The following PCDH15 variants were observed in gnomAD, a reference collection of about 807,000 sequenced individuals.
The protein encoded by PCDH15 is protocadherin-15.
Under a neutral mutation model 178.5 loss-of-function variants are expected in PCDH15, and 129 were observed. The observed-to-expected ratio is 0.72, with a 90% confidence interval of 0.63 to 0.84. The LOEUF is 0.84. PCDH15 is among the 40% of genes least tolerant of loss of function. PCDH15 has a pLI of 0.00. For missense variants in PCDH15, 2,230 were observed against 2,099.9 expected, an observed-to-expected ratio of 1.06 and a Z score of -1.21; for synonymous variants, 800 against 732.0, an observed-to-expected ratio of 1.09 and a Z score of -1.50.
At chr10:53,829,548 C>T (rs1055532034) in intron 30 of PCDH15, among the ~76,000 whole-genome samples, 4 of 152,088 alleles carry the variant, frequency 2.6e-5, no homozygotes, top group Non-Finnish European at 5.9e-5. Context: ...GGGTTGATGG[C>T]TTAATAATTT....
chr10:55,508,129 A>G (rs1476792231), intron 2 of PCDH15, among the ~76,000 whole-genome samples: 2 of 151,594 alleles, frequency 1.3e-5, no homozygotes, highest in Admixed American at 6.6e-5. Context: ...GGTGGGGTAG[A>G]CCACAATTAA....
chr10:54,189,250 T>C (rs2048747222), intron 11 of PCDH15: 1 of 734,366 alleles, frequency 1.4e-6, no homozygotes, highest in African/African-American at 1.8e-5. Context: ...TAGATATCCT[T>C]ATAAGGGATA....
intron 29 of PCDH15, among the ~76,000 whole-genome samples, chr10:53,839,709 T>C (rs917321962): frequency 6.6e-6 from 1 of 151,918 alleles, no homozygotes; most frequent in African/African-American, 2.4e-5. Flanking sequence ...TGTGCTCGAA[T>C]AACATCCAAA....
chr10:54,192,445 G>A (rs2049130975), intron 11 of PCDH15, among the ~76,000 whole-genome samples: 2 of 151,954 alleles, frequency 1.3e-5, no homozygotes, highest in South Asian at 4.1e-4. Context: ...GGACAAAATA[G>A]GAAGATCTGG....
At chr10:53,859,516 G>A (rs1227279911) in intron 27 of PCDH15, among the ~76,000 whole-genome samples, 2 of 152,014 alleles carry the variant, frequency 1.3e-5, no homozygotes, top group East Asian at 3.9e-4. Context: ...CACCTTTTCT[G>A]GCTGACAGAC....
Position 54,090,102 on chromosome 10 carries a change from A to T in PCDH15, c.1918-39T>A, listed in dbSNP as rs752045214. On this transcript the variant is annotated intron_variant, in intron 15 of 37. Transcript: ENST00000644397. ...ACATAATTCAATTATCAAGTAATTG[A>T]TATGGCGCCCACTCATTACAGAGTA... The T allele has an allele frequency of 4.1e-6, 6 of 1,454,660 alleles. No homozygotes were observed. In the Admixed American group the frequency reaches 6.7e-5, roughly 16 times the overall value. 90.1% of individuals were successfully genotyped at this position (1,454,660 alleles called of 1,614,324 possible). A position where few individuals can be genotyped will look rare whatever the true frequency, so the allele number is the denominator to read the frequency against.
intron 25 of PCDH15, among the ~76,000 whole-genome samples, chr10:53,938,138 T>C (rs1470616963): frequency 6.6e-6 from 1 of 152,156 alleles, no homozygotes; most frequent in African/African-American, 2.4e-5. Flanking sequence ...CCTTCACAAA[T>C]TGGCTTTTAT....
At chr10:55,528,796 C>A (rs1400992797) in intron 2 of PCDH15, among the ~76,000 whole-genome samples, 2 of 152,014 alleles carry the variant, frequency 1.3e-5, no homozygotes, top group South Asian at 4.2e-4. Flanking sequence ...CTTGAGGAAT[C>A]GCCACACTGA....
chr10:54,332,377 A>ATATAATAAAATCTATATTATATAT (rs1939996537), intron 6 of PCDH15, among the ~76,000 whole-genome samples: 1 of 37,170 alleles, frequency 2.7e-5, no homozygotes, highest in African/African-American at 1.1e-4. Context: ...TATATATATA[A>ATATAATAAAATCTATATTATATAT]TATATATATA....
At chr10:54,800,186 C>G (rs1293010380) in intron 1 of PCDH15, among the ~76,000 whole-genome samples, 1 of 152,080 alleles carries the variant, frequency 6.6e-6, no homozygotes. Context: ...CACACTGAAC[C>G]TGAAACTTGT....
intron 17 of PCDH15, among the ~76,000 whole-genome samples, chr10:54,074,667 A>T (rs2094307456): frequency 6.6e-6 from 1 of 152,170 alleles, no homozygotes; most frequent in Non-Finnish European, 1.5e-5. Flanking sequence ...TGGGAATACA[A>T]ATATCTCTTG....
intron 1 of PCDH15, among the ~76,000 whole-genome samples, chr10:55,269,301 G>T (rs928678670): frequency 6.7e-6 from 1 of 149,720 alleles, no homozygotes; most frequent in Non-Finnish European, 1.5e-5. Context: ...GCAAGAGAAA[G>T]AAAAAAAAAG....
intron 3 of PCDH15, among the ~76,000 whole-genome samples, chr10:54,845,114 C>A (rs1484113108): frequency 6.6e-6 from 1 of 151,364 alleles, no homozygotes; most frequent in Non-Finnish European, 1.5e-5. Context: ...AAAGGAAAAG[C>A]CTTTTTTTCT....
intron 2 of PCDH15, among the ~76,000 whole-genome samples, chr10:54,637,721 G>A (rs1565817270): frequency 6.6e-6 from 1 of 151,992 alleles, no homozygotes; most frequent in South Asian, 2.1e-4. Context: ...ACATATTTGC[G>A]AGTTCCAGAA....
chr10:53,905,134 G>C, intron 25 of PCDH15: 1 of 516,328 alleles, frequency 1.9e-6, no homozygotes, highest in South Asian at 1.4e-5. Flanking sequence ...AATATATCTT[G>C]TGTCATTTTT....
chr10:54,604,850 T>A (rs903813250), intron 2 of PCDH15, among the ~76,000 whole-genome samples: 2 of 151,858 alleles, frequency 1.3e-5, no homozygotes, highest in African/African-American at 2.4e-5. Context: ...TTTTTGTTAT[T>A]GTTGTTTGAC....
chr10:54,687,579 G>A (rs2095037026), intron 1 of PCDH15, among the ~76,000 whole-genome samples: 1 of 152,094 alleles, frequency 6.6e-6, no homozygotes, highest in South Asian at 2.1e-4. Context: ...TCCAGTTTGA[G>A]CAAGATTCCT....
At chr10:54,239,458 G>T (rs1027311840) in intron 8 of PCDH15, among the ~76,000 whole-genome samples, 1 of 149,282 alleles carries the variant, frequency 6.7e-6, no homozygotes, top group Non-Finnish European at 1.5e-5. Context: ...GAACTAAAAA[G>T]AAACAAGTGT....
intron 8 of PCDH15, among the ~76,000 whole-genome samples, chr10:54,285,026 G>T (rs2058946521): frequency 6.6e-6 from 1 of 152,044 alleles, no homozygotes; most frequent in African/African-American, 2.4e-5. Flanking sequence ...GAAAGAAATT[G>T]TTTCCAAGAA....
Sources: allele counts gnomAD v4.1 joint callset (sites outside exome capture counted in the v4.1 genomes callset), GRCh38; gene constraint gnomAD v4.1.1; transcripts MANE v1.5; gene names NCBI Gene and HGNC (gene_info 2026-07-23, HGNC 2026-07-21).